Variants in ATP11A observed in about 807,000 individuals in gnomAD.
ATP11A encodes the protein ATPase phospholipid transporting 11A.
A neutral mutation model predicts 154.4 loss-of-function variants in ATP11A; 81 were observed. That is an observed-to-expected ratio of 0.52 (90% CI 0.44 to 0.63). The LOEUF (loss-of-function observed/expected upper bound fraction) is 0.63. ATP11A is among the 30% of genes least tolerant of loss of function. The pLI is 0.00. For synonymous variants in ATP11A, 623 were observed against 585.9 expected (o/e 1.06, Z -0.91); for missense variants, 1,316 against 1,474.3 (o/e 0.89, Z 1.76).
intron 29 of ATP11A, chr13:112,881,656 C>A: frequency 2.5e-6 from 3 of 1,201,650 alleles, no homozygotes; most frequent in Non-Finnish European, 3.2e-6. Flanking sequence ...TGGGGTGGAT[C>A]CCGCCCGGCC....
chr13:112,872,004 C>T (rs9549577), intron 26 of ATP11A, among the ~76,000 whole-genome samples: 8,899 of 152,226 alleles, frequency 0.058, 328 homozygotes, highest in East Asian at 0.14. Flanking sequence ...TCAGCACACC[C>T]GGCCACCCCA....
rs748880496 is a variant in ATP11A at position 112,838,040 on chromosome 13, A to G, written c.1705+1789A>G. On this transcript the variant is annotated intron_variant, in intron 16 of 29. Coordinates refer to ENST00000375645, the MANE Select transcript of ATP11A (RefSeq NM_015205.3). This position sits in a 1 kb window ranked among gnomAD's most constrained non-coding sequence, Gnocchi z 7.3. Reference sequence around the variant, plus strand: ...CAAATGTGGGATGAATCCAGGCTCCACAGTGAGATGTCTACTGATGGTCAT... The same window carrying G: ...CAAATGTGGGATGAATCCAGGCTCCGCAGTGAGATGTCTACTGATGGTCAT... Among the ~76,000 whole-genome samples the G allele has an allele frequency of 2.7e-4, 41 of 152,116 alleles. No homozygotes were observed. Among genetic ancestry groups the G allele is most frequent in the South Asian group, 4.1e-4 (2 of 4,828 alleles).
intron 23 of ATP11A, 36 bp from the exon 24 acceptor site, chr13:112,860,251 A>C (rs756587017): frequency 6.2e-7 from 1 of 1,601,176 alleles, no homozygotes; most frequent in Admixed American, 1.7e-5. Context: ...GTAACAATGC[A>C]CTGAGGTGCC....
At chr13:112,866,237 G>A (rs955978632) in intron 25 of ATP11A, among the ~76,000 whole-genome samples, 7 of 152,090 alleles carry the variant, frequency 4.6e-5, no homozygotes, top group Admixed American at 1.3e-4. Context: ...AATATTTCTC[G>A]AAAATATTTT....
At chr13:112,836,049 C>T (rs981400367) in intron 15 of ATP11A, 129 bp from the exon 16 acceptor site, 24 of 590,932 alleles carry the variant, frequency 4.1e-5, no homozygotes, top group African/African-American at 1.3e-4. Context: ...ACCCAGCAGC[C>T]CTCTGTGTGT....
chr13:112,867,871 C>T (rs1488443100), intron 25 of ATP11A, among the ~76,000 whole-genome samples: 1 of 152,198 alleles, frequency 6.6e-6, no homozygotes. Flanking sequence ...TCCCTTCCAA[C>T]CAGGATACTC....
At chr13:112,731,300 A>AGGG (rs1890459678) in intron 1 of ATP11A, among the ~76,000 whole-genome samples, 1 of 152,082 alleles carries the variant, frequency 6.6e-6, no homozygotes, top group Non-Finnish European at 1.5e-5. Flanking sequence ...TAAAACAGGA[A>AGGG]GGGTTAGCTT....
chr13:112,843,168 C>T (rs1439485634), intron 17 of ATP11A, among the ~76,000 whole-genome samples: 2 of 151,666 alleles, frequency 1.3e-5, no homozygotes, highest in Admixed American at 1.3e-4. Flanking sequence ...CGCCGAGTGA[C>T]GCACGGCTGA....
At chr13:112,782,918 T>C (rs562496420) in intron 1 of ATP11A, among the ~76,000 whole-genome samples, 1 of 152,352 alleles carries the variant, frequency 6.6e-6, no homozygotes, top group African/African-American at 2.4e-5. Flanking sequence ...CCCAGGAGCA[T>C]GGAAGCCTCG....
chr13:112,811,146 C>T (rs2078482855), intron 5 of ATP11A, among the ~76,000 whole-genome samples: 1 of 134,828 alleles, frequency 7.4e-6, no homozygotes, highest in Non-Finnish European at 1.6e-5. Flanking sequence ...GGTGGATGTA[C>T]CCACTGCCCC....
In ATP11A at chr13:112,838,247, G is replaced by T. The variant is rs2079295757; in HGVS notation, c.1705+1996G>T. 6.6e-6 allele frequency among the ~76,000 whole-genome samples: 1 copy of T among 152,186 alleles called. No individual in the cohort carries two copies. Among genetic ancestry groups the T allele is most frequent in the African/African-American group, 2.4e-5 (1 of 41,446 alleles). Reference sequence around the variant, plus strand: ...CAGTCCTGAGAGTCTCAGCCACTCGGAGTTATCTGGGATAAACGCATCCTG... The same window carrying T: ...CAGTCCTGAGAGTCTCAGCCACTCGTAGTTATCTGGGATAAACGCATCCTG... On this transcript the variant is annotated intron_variant, in intron 16 of 29. Coordinates refer to ENST00000375645, the MANE Select transcript of ATP11A (RefSeq NM_015205.3). This position sits in a 1 kb window ranked among gnomAD's most constrained non-coding sequence, Gnocchi z 7.3.
intron 2 of ATP11A, among the ~76,000 whole-genome samples, chr13:112,791,287 CG>C (rs979868982): frequency 1.3e-5 from 2 of 152,210 alleles, no homozygotes; most frequent in African/African-American, 4.8e-5. Context: ...GGAACCGCGG[CG>C]CCCCCTGCAC....
chr13:112,877,306 C>A (rs2080758592), intron 28 of ATP11A, among the ~76,000 whole-genome samples: 1 of 152,226 alleles, frequency 6.6e-6, no homozygotes, highest in Non-Finnish European at 1.5e-5. Flanking sequence ...CACTCACTGC[C>A]CAGCCCTGCC....
rs1005165434 is a variant in ATP11A at position 112,696,097 on chromosome 13, G to C, written c.39+5642G>C. On this transcript the variant is annotated intron_variant, in intron 1 of 29. Coordinates refer to ENST00000375645, the MANE Select transcript of ATP11A (RefSeq NM_015205.3). This position sits in a 1 kb window ranked among gnomAD's most constrained non-coding sequence, Gnocchi z 6.2. ...GGCCTTGGCAAGTTGGTTGCCCCCT[G>C]TACGCTTGGTGCCCCATCTGCAAGG... Among the ~76,000 whole-genome samples, 4 of 152,228 alleles carry C rather than the reference G, an allele frequency of 2.6e-5. No individual in the cohort carries two copies. Among genetic ancestry groups the C allele is most frequent in the South Asian group, 2.1e-4 (1 of 4,832 alleles).
At chr13:112,832,161 C>A (rs981841315) in intron 13 of ATP11A, among the ~76,000 whole-genome samples, 11 of 152,268 alleles carry the variant, frequency 7.2e-5, no homozygotes, top group Non-Finnish European at 1.6e-4. Flanking sequence ...CACTCTCACA[C>A]ACGCCCCAAA....
At chr13:112,841,059 C>T (rs111380002) in intron 16 of ATP11A, among the ~76,000 whole-genome samples, 1,712 of 152,396 alleles carry the variant, frequency 0.011, 40 homozygotes, top group African/African-American at 0.038. Context: ...GTCACCGCGC[C>T]GTAGCACGGC....
At chr13:112,764,056 G>A (rs2077019966) in intron 1 of ATP11A, among the ~76,000 whole-genome samples, 1 of 152,254 alleles carries the variant, frequency 6.6e-6, no homozygotes, top group South Asian at 2.1e-4. Context: ...TGTGGAAAGA[G>A]ATGACATGTT....
At position 112,819,354 on chromosome 13, in the gene ATP11A, C is replaced by T. The variant is rs759578550; in HGVS notation, c.621C>T (p.Ile207=). The change falls in exon 7 of 30, where the codon ATC becomes ATT. Residue 207 remains isoleucine (I), a synonymous_variant. Transcript: ENST00000375645. ...AAGGCTTCCACACAGAGGAGGATAT[C>T]GGCGGACTTCACGCCACCATCGAGT... is the stretch of plus-strand genomic sequence containing the variant. ...DTKGFHTEED[I]GGLHATIECE... The T allele has an allele frequency of 3.3e-5, 54 of 1,614,172 alleles. No individual in the cohort carries two copies. The highest frequency in any genetic ancestry group is 4.4e-5 in the Non-Finnish European group (52 of 1,180,040).
intron 1 of ATP11A, among the ~76,000 whole-genome samples, chr13:112,711,386 C>T (rs1887730512): frequency 6.6e-6 from 1 of 152,090 alleles, no homozygotes; most frequent in Admixed American, 6.5e-5. Flanking sequence ...AGGATCAGAT[C>T]CCCTGAGCCC....
Sources: gnomAD v4.1 joint callset for allele counts (sites outside exome capture counted in the v4.1 genomes callset) on GRCh38, gnomAD v4.1.1 for gene constraint, Gnocchi (gnomAD v3.1) non-coding constraint, MANE v1.5 for transcripts, NCBI Gene and HGNC (gene_info 2026-07-23, HGNC 2026-07-21) for gene names.